Variants in EYA1 observed in about 807,000 individuals in gnomAD.
The protein encoded by EYA1 is protein phosphatase EYA1.
In EYA1, 16 loss-of-function variants were observed where a neutral mutation model predicts 82.0. The observed-to-expected ratio is 0.20, with a 90% CI of 0.13 to 0.30. EYA1 has a LOEUF of 0.30. Among genes scored for constraint, EYA1 ranks in the 10% least tolerant of loss-of-function variants. The pLI, the probability that EYA1 is intolerant of heterozygous loss-of-function variation, is 1.00. For missense variants in EYA1, 633 were observed against 730.7 expected, an observed-to-expected ratio of 0.87 and a Z score of 1.54; for synonymous variants, 261 against 264.4, an observed-to-expected ratio of 0.99 and a Z score of 0.12.
At chr8:71,353,233 C>A (rs533589710) in intron 3 of EYA1, among the ~76,000 whole-genome samples, 3 of 152,298 alleles carry the variant, frequency 2.0e-5, no homozygotes, top group Non-Finnish European at 2.9e-5. Flanking sequence ...CAGGGACCTG[C>A]GGCAGTCTGG....
At chr8:71,351,847 T>C (rs765254729) in intron 3 of EYA1, among the ~76,000 whole-genome samples, 12 of 152,192 alleles carry the variant, frequency 7.9e-5, no homozygotes, top group Non-Finnish European at 1.6e-4. Flanking sequence ...AGCCTGATTA[T>C]AGGAACAAGT....
At chr8:71,351,661 C>A (rs566870096) in intron 3 of EYA1, among the ~76,000 whole-genome samples, 1 of 152,268 alleles carries the variant, frequency 6.6e-6, no homozygotes, top group East Asian at 1.9e-4. Flanking sequence ...TTAGATGAAC[C>A]ATGAAAATAG....
chr8:71,451,634 A>G (rs1807383027), intron 2 of EYA1, among the ~76,000 whole-genome samples: 1 of 152,196 alleles, frequency 6.6e-6, no homozygotes, highest in Middle Eastern at 3.2e-3. Flanking sequence ...CCTTTACCAC[A>G]GAAGGTCATA....
rs918774213 is a variant in EYA1 at position 71,295,756 on chromosome 8, A to C, written c.826+3291T>G. ...GTTGAAAATTTATATCTATTAAAAAAACTGCACACAAATGTTTATAGAAAC... is the reference window on the plus strand; with the variant it reads ...GTTGAAAATTTATATCTATTAAAAACACTGCACACAAATGTTTATAGAAAC... On this transcript the variant is annotated intron_variant, in intron 9 of 17. Coordinates refer to ENST00000340726, the MANE Select transcript of EYA1 (RefSeq NM_000503.6). Among the ~76,000 whole-genome samples the C allele has an allele frequency of 7.2e-5, 11 of 152,214 alleles. 1 individual carries two copies. The highest frequency in any genetic ancestry group is 1.5e-4 in the Non-Finnish European group (10 of 68,028).
intron 9 of EYA1, among the ~76,000 whole-genome samples, chr8:71,294,127 C>A (rs1698974733): frequency 6.6e-6 from 1 of 152,010 alleles, no homozygotes; most frequent in African/African-American, 2.4e-5. Flanking sequence ...AGTCAAATGC[C>A]TTCCTATATA....
chr8:71,403,160 T>C (rs1830045788), intron 2 of EYA1, among the ~76,000 whole-genome samples: 1 of 152,196 alleles, frequency 6.6e-6, no homozygotes. Flanking sequence ...ACTGAGAAGA[T>C]ATTTGACAGA....
At chr8:71,245,183 C>A (rs985184766) in intron 11 of EYA1, among the ~76,000 whole-genome samples, 1 of 152,210 alleles carries the variant, frequency 6.6e-6, no homozygotes, top group African/African-American at 2.4e-5. Context: ...TGAATGCAGC[C>A]CAACACAAAT....
upstream of EYA1, among the ~76,000 whole-genome samples, chr8:71,366,969 A>G (rs1182081287): frequency 6.6e-6 from 1 of 152,232 alleles, no homozygotes; most frequent in Non-Finnish European, 1.5e-5. Flanking sequence ...AAGAGAAAAA[A>G]TCACTATATA....
chr8:71,262,528 C>G (rs1188067841), intron 11 of EYA1, among the ~76,000 whole-genome samples: 1 of 152,140 alleles, frequency 6.6e-6, no homozygotes, highest in Non-Finnish European at 1.5e-5. Context: ...TAATTGCTCC[C>G]ATTTTATAGG....
At chr8:71,505,684 T>C (rs185201731) in intron 2 of EYA1, among the ~76,000 whole-genome samples, 42 of 152,288 alleles carry the variant, frequency 2.8e-4, no homozygotes, top group African/African-American at 9.6e-4. Context: ...CCTGGCCTGC[T>C]CATTCCAGAA....
At chr8:71,204,424 C>T (rs917385062) in intron 17 of EYA1, among the ~76,000 whole-genome samples, 2 of 152,214 alleles carry the variant, frequency 1.3e-5, no homozygotes, top group African/African-American at 2.4e-5. Flanking sequence ...AGCATATACC[C>T]TCTGACTTAA....
chr8:71,489,699 T>C (rs1317989641), intron 2 of EYA1, among the ~76,000 whole-genome samples: 1 of 152,250 alleles, frequency 6.6e-6, no homozygotes, highest in Admixed American at 6.5e-5. Context: ...AACACATTTT[T>C]AATCCATGAA....
chr8:71,354,258 C>T (rs992712513), intron 3 of EYA1, among the ~76,000 whole-genome samples: 1 of 151,902 alleles, frequency 6.6e-6, no homozygotes, highest in African/African-American at 2.4e-5. Flanking sequence ...ATTTCATAAA[C>T]AATACTTTTT....
intron 9 of EYA1, among the ~76,000 whole-genome samples, chr8:71,283,498 A>G (rs111843504): frequency 6.6e-6 from 1 of 151,640 alleles, no homozygotes; most frequent in East Asian, 1.9e-4. Context: ...TGTCTAGAAC[A>G]GTGCCTGGAA....
chr8:71,514,347 A>G (rs1243096567), intron 2 of EYA1, among the ~76,000 whole-genome samples: 2 of 152,092 alleles, frequency 1.3e-5, no homozygotes, highest in Admixed American at 6.6e-5. Flanking sequence ...AGAATGAAAT[A>G]TTTTTAATTA....
At chr8:71,296,376 CAT>C (rs1219067433) in intron 9 of EYA1, among the ~76,000 whole-genome samples, 1 of 150,888 alleles carries the variant, frequency 6.6e-6, no homozygotes, top group Non-Finnish European at 1.5e-5. Flanking sequence ...TGAGTCCTTA[CAT>C]GTTTGCCCTG....
chr8:71,352,423 C>T (rs1357920208), intron 3 of EYA1, among the ~76,000 whole-genome samples: 1 of 152,182 alleles, frequency 6.6e-6, no homozygotes, highest in East Asian at 1.9e-4. Context: ...CATTTTCAAA[C>T]TGAGTACTAA....
At chr8:71,311,704 T>A (rs547488753) in intron 7 of EYA1, among the ~76,000 whole-genome samples, 13 of 152,364 alleles carry the variant, frequency 8.5e-5, no homozygotes, top group Admixed American at 8.5e-4. Flanking sequence ...GAACACTTTG[T>A]CTTTCTCAGC....
intron 9 of EYA1, among the ~76,000 whole-genome samples, chr8:71,290,441 G>A (rs1818870887): frequency 6.6e-6 from 1 of 152,068 alleles, no homozygotes; most frequent in Non-Finnish European, 1.5e-5. Flanking sequence ...ATAAATGTTT[G>A]GGAGGGTTAA....
Sources: gnomAD v4.1 joint callset for allele counts (sites outside exome capture counted in the v4.1 genomes callset) on GRCh38, gnomAD v4.1.1 for gene constraint, MANE v1.5 for transcripts, NCBI Gene and HGNC (gene_info 2026-07-23, HGNC 2026-07-21) for gene names.